Variants in ARHGEF7 observed in about 807,000 individuals in gnomAD.
The protein encoded by ARHGEF7 is PAK-interacting exchange factor beta.
ARHGEF7 carries 33 observed loss-of-function variants against 109.8 expected under a neutral mutation model. That is an observed-to-expected ratio of 0.30 (90% CI 0.23 to 0.40). ARHGEF7 has a LOEUF of 0.40. Among genes scored for constraint, ARHGEF7 ranks in the 10% least tolerant of loss-of-function variants. The probability of loss-of-function intolerance (pLI) is 1.00; values close to 1 mark genes in which losing one functional copy is unlikely to be tolerated. For synonymous variants in ARHGEF7, 458 were observed against 424.6 expected (o/e 1.08, Z -0.97); for missense variants, 938 against 1,098.5 (o/e 0.85, Z 2.07).
rs2075121383 is a variant in ARHGEF7, at chr13:111,137,058, C to A, written c.166-16847C>A. ...AGACTAAACCAGGAAGGAATTGAAT[C>A]TCTTAATAGACCAATAACAGGCTCT... On this transcript the variant is annotated intron_variant, in intron 1 of 21. Transcript: ENST00000646102. Among the ~76,000 whole-genome samples, 3 of 152,190 alleles carry A rather than the reference C, an allele frequency of 2.0e-5. No individual in the cohort carries two copies. In the South Asian group the frequency reaches 6.2e-4, roughly 32 times the overall value.
intron 2 of ARHGEF7, among the ~76,000 whole-genome samples, chr13:111,178,028 C>G (rs2078338301): frequency 6.6e-6 from 1 of 152,204 alleles, no homozygotes; most frequent in Non-Finnish European, 1.5e-5. Flanking sequence ...CCTTTGACCT[C>G]CTTCCTCTCT....
At chr13:111,292,840 A>G in intron 19 of ARHGEF7, 1 of 991,896 alleles carries the variant, frequency 1.0e-6, no homozygotes, top group Non-Finnish European at 1.2e-6. Context: ...CCCAGTTCCA[A>G]CGGCTGTGTT....
chr13:111,256,107 T>C (rs1401938717), intron 8 of ARHGEF7, among the ~76,000 whole-genome samples: 1 of 152,230 alleles, frequency 6.6e-6, no homozygotes, highest in African/African-American at 2.4e-5. Context: ...AACAACCAAA[T>C]GTGTCTTTAG....
At chr13:111,270,500 T>C (rs2092052937) in intron 9 of ARHGEF7, among the ~76,000 whole-genome samples, 1 of 152,232 alleles carries the variant, frequency 6.6e-6, no homozygotes, top group South Asian at 2.1e-4. Context: ...TTAACTGTAT[T>C]TGTTCTGGCA....
intron 12 of ARHGEF7, among the ~76,000 whole-genome samples, chr13:111,276,196 G>A (rs777660391): frequency 2.6e-5 from 4 of 152,150 alleles, no homozygotes; most frequent in Admixed American, 2.0e-4. Context: ...AGTGAAAATC[G>A]AGCAGTTTGT....
chr13:111,213,058 TAGAG>T (rs1243122390), intron 4 of ARHGEF7, among the ~76,000 whole-genome samples: 1 of 152,194 alleles, frequency 6.6e-6, no homozygotes, highest in Non-Finnish European at 1.5e-5. Context: ...TAGGTGCTCT[TAGAG>T]AGCGGAGGAG....
chr13:111,137,596 C>A (rs1157127244), intron 1 of ARHGEF7, among the ~76,000 whole-genome samples: 2 of 152,128 alleles, frequency 1.3e-5, no homozygotes. Context: ...GGCAGAGAGA[C>A]AGAAAGGACA....
At chr13:111,123,632 AT>A (rs1278257179) in intron 1 of ARHGEF7, among the ~76,000 whole-genome samples, 5 of 152,054 alleles carry the variant, frequency 3.3e-5, no homozygotes, top group Admixed American at 1.3e-4. Context: ...CCTCTCTAGT[AT>A]TTTCTCTATT....
intron 8 of ARHGEF7, among the ~76,000 whole-genome samples, chr13:111,256,264 A>T (rs1259093071): frequency 6.6e-6 from 1 of 152,224 alleles, no homozygotes; most frequent in African/African-American, 2.4e-5. Context: ...GGAAAGAAAC[A>T]TTTTGGATGA....
chr13:111,232,417 T>C (rs931309197), intron 5 of ARHGEF7, among the ~76,000 whole-genome samples: 24 of 151,966 alleles, frequency 1.6e-4, no homozygotes, highest in African/African-American at 5.8e-4. Context: ...ATAGAACCAG[T>C]GATAGAGACC....
intron 8 of ARHGEF7, 124 bp downstream of exon 8, chr13:111,244,418 T>C: frequency 1.5e-6 from 1 of 646,264 alleles, no homozygotes; most frequent in Non-Finnish European, 2.6e-6. Context: ...TTTAAATCTT[T>C]TGGGTAAATC....
rs1010726213 is a variant in ARHGEF7, at chr13:111,273,678, T to G, written c.1074-136T>G. 19 of 1,245,728 alleles carry G rather than the reference T, an allele frequency of 1.5e-5. No homozygotes were observed. The highest frequency in any genetic ancestry group is 2.1e-5 in the Non-Finnish European group (19 of 888,886). The allele number at this position is 1,245,728 out of a possible 1,614,324, so 77.2% of individuals were successfully genotyped here. A position where few individuals can be genotyped will look rare whatever the true frequency, so the allele number is the denominator to read the frequency against. ...CCAGATAAGCAGCGCAGATTTGGGA[T>G]AAAAGCTGGAGCCTTCCAGATGTTA... On this transcript the variant is annotated intron_variant, in intron 9 of 21. Transcript: ENST00000646102. This position sits in a 1 kb window ranked among gnomAD's most constrained non-coding sequence, Gnocchi z 4.5.
chr13:111,116,003 C>G (rs2153301528), intron 1 of ARHGEF7, among the ~76,000 whole-genome samples: 1 of 152,074 alleles, frequency 6.6e-6, no homozygotes, highest in Non-Finnish European at 1.5e-5. Flanking sequence ...TAAGTTGCCC[C>G]TCCGCGTGGG....
At chr13:111,259,967 T>C (rs2090906297) in intron 8 of ARHGEF7, among the ~76,000 whole-genome samples, 1 of 152,094 alleles carries the variant, frequency 6.6e-6, no homozygotes, top group South Asian at 2.1e-4. Flanking sequence ...AAAATGTAGT[T>C]GACGTACTGA....
chr13:111,190,072 G>C (rs896940358), intron 2 of ARHGEF7, among the ~76,000 whole-genome samples: 4 of 152,214 alleles, frequency 2.6e-5, no homozygotes, highest in Non-Finnish European at 5.9e-5. Context: ...GAACTATTTA[G>C]GCTAGTGAAA....
chr13:111,221,507 A>T (rs868337519), intron 5 of ARHGEF7, among the ~76,000 whole-genome samples: 2 of 63,010 alleles, frequency 3.2e-5, no homozygotes, highest in Admixed American at 4.3e-4. Flanking sequence ...ATATATCTAT[A>T]TATATAGATA....
intron 8 of ARHGEF7, among the ~76,000 whole-genome samples, chr13:111,257,548 C>T (rs2090577709): frequency 1.3e-5 from 2 of 152,244 alleles, no homozygotes; most frequent in Admixed American, 1.3e-4. Flanking sequence ...GAAACCTCCA[C>T]TGATTGTCCT....
At chr13:111,252,848 C>T (rs1018505732) in intron 8 of ARHGEF7, among the ~76,000 whole-genome samples, 2 of 152,202 alleles carry the variant, frequency 1.3e-5, no homozygotes, top group African/African-American at 2.4e-5. Flanking sequence ...TGTCTTCATT[C>T]GAGGTATGTA....
chr13:111,290,362 T>C (rs1463546710), intron 18 of ARHGEF7, among the ~76,000 whole-genome samples: 1 of 152,236 alleles, frequency 6.6e-6, no homozygotes, highest in African/African-American at 2.4e-5. Context: ...ATAACAGCTA[T>C]TTATATGGCA....
Sources: allele counts gnomAD v4.1 joint callset (sites outside exome capture counted in the v4.1 genomes callset), GRCh38; gene constraint gnomAD v4.1.1; non-coding constraint Gnocchi (gnomAD v3.1); transcripts MANE v1.5; gene names NCBI Gene and HGNC (gene_info 2026-07-23, HGNC 2026-07-21).